The following VCP variants were observed in gnomAD, a reference collection of about 807,000 sequenced individuals.
VCP encodes transitional endoplasmic reticulum ATPase.
A neutral mutation model predicts 85.7 loss-of-function variants in VCP; 6 were observed. The observed-to-expected ratio is 0.07, with a 90% confidence interval of 0.04 to 0.14. The LOEUF (loss-of-function observed/expected upper bound fraction) is 0.14. Ranked by LOEUF, VCP falls within the 10% of genes least tolerant of loss-of-function variation. The pLI is 1.00. For missense variants in VCP, 353 were observed against 1,043.4 expected, an observed-to-expected ratio of 0.34 and a Z score of 9.12; for synonymous variants, 384 against 367.1, an observed-to-expected ratio of 1.05 and a Z score of -0.53.
intron 3 of VCP, 88 bp from the exon 4 acceptor site, chr9:35,066,905 T>C: frequency 3.7e-6 from 6 of 1,602,746 alleles, no homozygotes; most frequent in Admixed American, 1.7e-5. Flanking sequence ...AGATAGCTGA[T>C]AGTAAGTGAA....
At chr9:35,061,978 G>C in intron 9 of VCP, 25 bp downstream of exon 9, 1 of 1,614,128 alleles carries the variant, frequency 6.2e-7, no homozygotes, top group African/African-American at 1.3e-5. Flanking sequence ...GCAAGGACGG[G>C]GTCAAAAGTA....
At chr9:35,072,202 C>A in intron 1 of VCP, 135 bp downstream of exon 1, 1 of 1,438,730 alleles carries the variant, frequency 7.0e-7, no homozygotes, top group Non-Finnish European at 9.2e-7. Flanking sequence ...CCCTCACTCG[C>A]CCCCTAGCTT....
At chr9:35,065,200 C>A (rs1450116116) in intron 5 of VCP, 51 bp downstream of exon 5, 26 of 1,612,910 alleles carry the variant, frequency 1.6e-5, no homozygotes, top group Non-Finnish European at 2.0e-5. Flanking sequence ...CCACATGATG[C>A]CACACTGAGT....
At chr9:35,063,965 C>T (rs1480046217) in intron 6 of VCP, among the ~76,000 whole-genome samples, 189 bp downstream of exon 6, 3 of 152,218 alleles carry the variant, frequency 2.0e-5, no homozygotes, top group Non-Finnish European at 4.4e-5. Context: ...TTTGATTAGC[C>T]TACTCTGGTT....
rs1251114478 is a variant in VCP at position 35,056,621 on chromosome 9, C to T, written c.*496G>A. On this transcript the variant is annotated 3_prime_UTR_variant, in exon 17 of 17. Transcript: ENST00000358901. Reference sequence around the variant, plus strand: ...AACATGTCATTTTTTGGTTTAGAAACTGCTTGTGATTAGTTTTCCAACATT... The same window carrying T: ...AACATGTCATTTTTTGGTTTAGAAATTGCTTGTGATTAGTTTTCCAACATT... 1 of 183,022 alleles carries T rather than the reference C, an allele frequency of 5.5e-6. No individual in the cohort carries two copies. The highest frequency in any genetic ancestry group is 1.2e-5 in the Non-Finnish European group (1 of 85,096). The allele number at this position is 183,022 out of a possible 1,614,324, so 11.3% of individuals were successfully genotyped here.
rs920620336 is a variant in VCP, at chr9:35,072,554, G to GGTGGCAGTGGCA, written c.-213_-202dup. On this transcript the variant is annotated 5_prime_UTR_variant, in exon 1 of 17. Transcript: ENST00000358901. Reference sequence around the variant, plus strand: ...AACAACGCTGGCTCCTGATCCGCGAGGTGGCAGTGGCAGTGGCAGCGGCAG... The same window carrying GGTGGCAGTGGCA: ...AACAACGCTGGCTCCTGATCCGCGAGGTGGCAGTGGCAGTGGCAGTGGCAGTGGCAGCGGCAG... 1.5e-4 allele frequency: 88 copies of GGTGGCAGTGGCA among 592,482 alleles called. No individual in the cohort carries two copies. The highest frequency in any genetic ancestry group is 1.2e-3 in the African/African-American group (60 of 50,616). 36.7% of individuals were successfully genotyped at this position (592,482 alleles called of 1,614,324 possible).
chr9:35,072,229 G>A (rs1194352182), intron 1 of VCP, 108 bp downstream of exon 1: 9 of 1,457,522 alleles, frequency 6.2e-6, no homozygotes, highest in Non-Finnish European at 8.2e-6. Flanking sequence ...CCTCTTTCCT[G>A]GTCTCCACCT....
At chr9:35,071,366 C>G (rs139225387) in intron 1 of VCP, among the ~76,000 whole-genome samples, 147 of 120,332 alleles carry the variant, frequency 1.2e-3, no homozygotes, top group African/African-American at 4.4e-3. Context: ...GCTGAGGTAG[C>G]CAAGTTTTAT....
At chr9:35,071,734 G>C in intron 1 of VCP, 3 of 988,422 alleles carry the variant, frequency 3.0e-6, no homozygotes, top group Non-Finnish European at 3.6e-6. Flanking sequence ...TCACGACTCA[G>C]GTCACACACA....
intron 10 of VCP, 52 bp downstream of exon 10, chr9:35,061,525 G>A: frequency 1.3e-6 from 2 of 1,542,530 alleles, no homozygotes; most frequent in Non-Finnish European, 9.0e-7. Flanking sequence ...CCAGTTCCCA[G>A]CAACTGCCTA....
At chr9:35,063,392 AG>A (rs1284943152) in intron 6 of VCP, among the ~76,000 whole-genome samples, 1 of 152,180 alleles carries the variant, frequency 6.6e-6, no homozygotes, top group Non-Finnish European at 1.5e-5. Flanking sequence ...CATTACACTA[AG>A]GGCTCAATTT....
rs1206000067 is a variant in VCP, at chr9:35,057,538, TG to T, written c.2161-9del. On this transcript the variant is annotated splice_polypyrimidine_tract_variant and intron_variant, in intron 15 of 16. Transcript: ENST00000358901. ...ATCATCCTCTTCTACCTCCTATAGT[TG>T]GTAAACACAGATCACTAGGGCTAGT... 1.9e-6 allele frequency: 3 copies of T among 1,607,328 alleles called. No homozygotes were observed. The highest frequency in any genetic ancestry group is 1.7e-5 in the Admixed American group (1 of 60,026).
chr9:35,061,874 C>A, intron 9 of VCP, 129 bp downstream of exon 9: 1 of 1,544,318 alleles, frequency 6.5e-7, no homozygotes, highest in East Asian at 2.3e-5. Flanking sequence ...CTAGACAGGA[C>A]GTAGGGTAAA....
chr9:35,064,020 A>C, intron 6 of VCP, 134 bp downstream of exon 6: 1 of 1,425,922 alleles, frequency 7.0e-7, no homozygotes, highest in Non-Finnish European at 9.8e-7. Context: ...GGTAAACTAA[A>C]GGATACGTTA....
In VCP at chr9:35,065,395, C is replaced by G; in HGVS notation, c.446-14G>C. The stretch of plus-strand genomic sequence containing the variant: ...GAAAAATGTCTCCTGCGAGAGCAAA[C>G]AGTACAAGCACAGTTAGAGGTGTCA... On this transcript the variant is annotated splice_polypyrimidine_tract_variant and intron_variant, in intron 4 of 16. Transcript: ENST00000358901. 1 of 1,614,094 alleles carries G rather than the reference C, an allele frequency of 6.2e-7. No homozygotes were observed. The highest frequency in any genetic ancestry group is 1.3e-5 in the African/African-American group (1 of 75,048).
At chr9:35,071,474 G>C (rs1047575250) in intron 1 of VCP, among the ~76,000 whole-genome samples, 3 of 152,032 alleles carry the variant, frequency 2.0e-5, no homozygotes, top group African/African-American at 4.8e-5. Context: ...GCGCACGTTT[G>C]TGTTTTTGAA....
chr9:35,066,534 T>C, intron 4 of VCP, 141 bp downstream of exon 4: 2 of 1,267,000 alleles, frequency 1.6e-6, no homozygotes, highest in Non-Finnish European at 2.2e-6. Context: ...GCTGACCCCA[T>C]CTCTTAAAAA....
At position 35,061,692 on chromosome 9, in the gene VCP, G is replaced by A; in HGVS notation, c.1082-3C>T. 2 of 934,446 alleles carry A rather than the reference G, an allele frequency of 2.1e-6. No homozygotes were observed. The highest frequency in any genetic ancestry group is 2.3e-5 in the East Asian group (1 of 43,774). The allele number at this position is 934,446 out of a possible 1,614,324, so 57.9% of individuals were successfully genotyped here. A position where few individuals can be genotyped will look rare whatever the true frequency, so the allele number is the denominator to read the frequency against. ...ATCTACCTCCCTGTCAAAGCGACCT[G>A]TGGGACAGTACACAAACATAAACAG... On this transcript the variant is annotated splice_polypyrimidine_tract_variant and splice_region_variant and intron_variant, in intron 9 of 16. Transcript: ENST00000358901.
In VCP at chr9:35,071,855, C is replaced by T. The variant is rs1222585926; in HGVS notation, c.17+482G>A. On this transcript the variant is annotated intron_variant, in intron 1 of 16. Coordinates refer to ENST00000358901, the MANE Select transcript of VCP (RefSeq NM_007126.5). The stretch of plus-strand genomic sequence containing the variant: ...CGGGCTCCGCCTCGGTGGCAGAGCT[C>T]CTGAGGCCTTCACATGGCGCAAAGT... 5 of 993,316 alleles carry T rather than the reference C, an allele frequency of 5.0e-6. No homozygotes were observed. In the East Asian group the frequency reaches 5.7e-4, roughly 113 times the overall value. 61.5% of individuals were successfully genotyped at this position (993,316 alleles called of 1,614,324 possible).
Sources: gnomAD v4.1 joint callset for allele counts (sites outside exome capture counted in the v4.1 genomes callset) on GRCh38, gnomAD v4.1.1 for gene constraint, MANE v1.5 for transcripts, NCBI Gene and HGNC (gene_info 2026-07-23, HGNC 2026-07-21) for gene names.